Variants in SCHIP1 observed in about 807,000 individuals in gnomAD.
The protein encoded by SCHIP1 is schwannomin-interacting protein 1.
A neutral mutation model predicts 29.7 loss-of-function variants in SCHIP1; 8 were observed. That is an observed-to-expected ratio of 0.27 (90% CI 0.16 to 0.49). The LOEUF (loss-of-function observed/expected upper bound fraction) is 0.49. SCHIP1 is among the 20% of genes least tolerant of loss of function. SCHIP1 has a pLI of 0.99. For missense variants in SCHIP1, 193 were observed against 294.6 expected, an observed-to-expected ratio of 0.66 and a Z score of 2.52; for synonymous variants, 76 against 94.9, an observed-to-expected ratio of 0.80 and a Z score of 1.16.
At chr3:159,510,114 G>A in the SCHIP1 span, among the ~76,000 whole-genome samples, 19 of 152,302 alleles carry the variant, frequency 1.2e-4, no homozygotes, top group South Asian at 4.1e-4. Context: ...CCAATCAGAC[G>A]TAGATTTGGT....
At chr3:159,652,565 TA>T in the SCHIP1 span, among the ~76,000 whole-genome samples, 250 of 152,204 alleles carry the variant, frequency 1.6e-3, 6 homozygotes, top group South Asian at 0.051. Flanking sequence ...AGGAAGCGGA[TA>T]TGTAAACAAG....
the SCHIP1 span, among the ~76,000 whole-genome samples, chr3:159,526,971 A>G: frequency 5.9e-5 from 9 of 152,198 alleles, no homozygotes; most frequent in African/African-American, 2.2e-4. Flanking sequence ...GTCTTAAACT[A>G]TCTTAATCAT....
At chr3:159,711,787 G>T in the SCHIP1 span, among the ~76,000 whole-genome samples, 1 of 152,224 alleles carries the variant, frequency 6.6e-6, no homozygotes, top group East Asian at 1.9e-4. Context: ...TGCTTACTAT[G>T]TGTTGAGGCC....
chr3:159,707,234 C>A, the SCHIP1 span, among the ~76,000 whole-genome samples: 1 of 152,022 alleles, frequency 6.6e-6, no homozygotes, highest in Non-Finnish European at 1.5e-5. Flanking sequence ...AAGGGAAGAG[C>A]GGTCAAGATC....
the SCHIP1 span, among the ~76,000 whole-genome samples, chr3:159,566,506 T>C: frequency 6.6e-6 from 1 of 152,166 alleles, no homozygotes; most frequent in Admixed American, 6.5e-5. Context: ...ATTATGTTAA[T>C]GATAAGTGCT....
At chr3:159,392,298 G>A in the SCHIP1 span, among the ~76,000 whole-genome samples, 7 of 151,952 alleles carry the variant, frequency 4.6e-5, no homozygotes, top group African/African-American at 1.7e-4. Flanking sequence ...AAATGTTCTT[G>A]CCAGCACTCT....
At chr3:159,290,269 A>G in the SCHIP1 span, among the ~76,000 whole-genome samples, 10 of 152,326 alleles carry the variant, frequency 6.6e-5, no homozygotes, top group Admixed American at 1.3e-4. Context: ...TCAGAAAGGA[A>G]TATATAGTAT....
chr3:159,510,638 G>A, the SCHIP1 span, among the ~76,000 whole-genome samples: 4 of 152,164 alleles, frequency 2.6e-5, no homozygotes, highest in Non-Finnish European at 4.4e-5. Context: ...ACATACAGAT[G>A]GGGTTTTGGT....
At chr3:159,332,007 C>G in the SCHIP1 span, among the ~76,000 whole-genome samples, 1 of 152,190 alleles carries the variant, frequency 6.6e-6, no homozygotes, top group South Asian at 2.1e-4. Context: ...GTGTCACCTC[C>G]TGAGGGTGTC....
At chr3:159,596,708 C>G in the SCHIP1 span, among the ~76,000 whole-genome samples, 14 of 151,578 alleles carry the variant, frequency 9.2e-5, no homozygotes, top group East Asian at 2.5e-3. Context: ...GACAGAAAAC[C>G]AAACACTGCA....
chr3:159,745,446 T>C, the SCHIP1 span, among the ~76,000 whole-genome samples: 1 of 152,178 alleles, frequency 6.6e-6, no homozygotes, highest in Non-Finnish European at 1.5e-5. Context: ...GCCCAGACAG[T>C]GTCCTACTAT....
chr3:159,315,291 C>T, the SCHIP1 span, among the ~76,000 whole-genome samples: 27 of 150,554 alleles, frequency 1.8e-4, no homozygotes, highest in Middle Eastern at 3.2e-3. Context: ...CTCCGCCTCC[C>T]GGGTTCACGC....
the SCHIP1 span, among the ~76,000 whole-genome samples, chr3:159,294,718 A>C: frequency 6.6e-6 from 1 of 152,192 alleles, no homozygotes; most frequent in Non-Finnish European, 1.5e-5. Flanking sequence ...TTTTCAGAGA[A>C]GGGAAAAAGT....
chr3:159,392,971 C>T, the SCHIP1 span, among the ~76,000 whole-genome samples: 1 of 152,176 alleles, frequency 6.6e-6, no homozygotes, highest in Admixed American at 6.5e-5. Context: ...CTCTCCAGCA[C>T]CTGTTGTTTC....
the SCHIP1 span, among the ~76,000 whole-genome samples, chr3:159,748,732 C>T: frequency 6.6e-6 from 1 of 152,338 alleles, no homozygotes; most frequent in East Asian, 1.9e-4. Flanking sequence ...ATAATCTGGA[C>T]TTGCCCCTAT....
the SCHIP1 span, among the ~76,000 whole-genome samples, chr3:159,781,629 T>A: frequency 6.6e-6 from 1 of 152,232 alleles, no homozygotes; most frequent in Non-Finnish European, 1.5e-5. Flanking sequence ...CCACTATGTG[T>A]TAGGTATGGA....
chr3:159,764,673 G>GGAGGAGGAGGAA, the SCHIP1 span: 1 of 1,589,148 alleles, frequency 6.3e-7, no homozygotes, highest in African/African-American at 1.3e-5. The surrounding 1 kb of genome is among the most constrained non-coding windows in gnomAD (Gnocchi z 6.1). Flanking sequence ...AGGAGGACGG[G>GGAGGAGGAGGAA]GAGGAGGAGG....
chr3:159,632,608 A>C, the SCHIP1 span, among the ~76,000 whole-genome samples: 3 of 152,174 alleles, frequency 2.0e-5, no homozygotes, highest in Non-Finnish European at 4.4e-5. Flanking sequence ...TATTGTAGCC[A>C]TGTATCTCAA....
At chr3:159,512,064 A>T in the SCHIP1 span, among the ~76,000 whole-genome samples, 1 of 152,194 alleles carries the variant, frequency 6.6e-6, no homozygotes, top group South Asian at 2.1e-4. Context: ...TAAGCAACAT[A>T]TCTGACAAAT....
Sources: allele counts gnomAD v4.1 joint callset (sites outside exome capture counted in the v4.1 genomes callset), GRCh38; gene constraint gnomAD v4.1.1; non-coding constraint Gnocchi (gnomAD v3.1); transcripts MANE v1.5; gene names NCBI Gene and HGNC (gene_info 2026-07-23, HGNC 2026-07-21).